LINGO2: variants seen among roughly 807,000 people sequenced by gnomAD.
The protein encoded by LINGO2 is leucine-rich repeat and immunoglobulin-like domain-containing nogo receptor-interacting protein 2.
A neutral mutation model predicts 30.6 loss-of-function variants in LINGO2; 14 were observed. The observed-to-expected ratio is 0.46, with a 90% CI of 0.30 to 0.72. The LOEUF is 0.72. LINGO2 is among the 30% of genes least tolerant of loss of function. The pLI, the probability that LINGO2 is intolerant of heterozygous loss-of-function variation, is 0.07. For synonymous variants in LINGO2, 317 were observed against 288.5 expected, an observed-to-expected ratio of 1.10 and a Z score of -1.00; for missense variants, 729 against 751.7, an observed-to-expected ratio of 0.97 and a Z score of 0.35.
the LINGO2 span, among the ~76,000 whole-genome samples, chr9:29,159,682 C>A: frequency 6.6e-6 from 1 of 151,912 alleles, no homozygotes; most frequent in Non-Finnish European, 1.5e-5. Context: ...CACGGGGAAA[C>A]CCTGTCTCTA....
chr9:28,652,464 C>CT (rs1828146316), intron 1 of LINGO2, among the ~76,000 whole-genome samples: 1 of 152,074 alleles, frequency 6.6e-6, no homozygotes, highest in Admixed American at 6.6e-5. Flanking sequence ...TCCTGAAACT[C>CT]ATAAAGGAAT....
intron 4 of LINGO2, among the ~76,000 whole-genome samples, chr9:28,292,963 G>A (rs566422575): frequency 7.2e-4 from 110 of 151,890 alleles, no homozygotes; most frequent in Middle Eastern, 3.4e-3. Context: ...TAGTAGAGAC[G>A]GGGTTTCACC....
chr9:28,436,749 G>A (rs1007094623), intron 2 of LINGO2, among the ~76,000 whole-genome samples: 2 of 152,256 alleles, frequency 1.3e-5, no homozygotes, highest in Admixed American at 6.5e-5. Flanking sequence ...AAGCCACCGC[G>A]CCCGGCCAGG....
chr9:28,894,628 G>T, the LINGO2 span, among the ~76,000 whole-genome samples: 2 of 151,392 alleles, frequency 1.3e-5, no homozygotes, highest in Non-Finnish European at 3.0e-5. Context: ...AGTATTTTTT[G>T]CCAATGAATA....
At chr9:28,706,753 A>G in the LINGO2 span, among the ~76,000 whole-genome samples, 1 of 152,092 alleles carries the variant, frequency 6.6e-6, no homozygotes, top group Non-Finnish European at 1.5e-5. Context: ...TTGCAGTCTC[A>G]CACTTGTGTA....
At chr9:29,095,458 C>CA in the LINGO2 span, among the ~76,000 whole-genome samples, 1 of 137,664 alleles carries the variant, frequency 7.3e-6, no homozygotes, top group East Asian at 2.5e-4. Context: ...ATAAACACAA[C>CA]AAAACACCTG....
intron 5 of LINGO2, among the ~76,000 whole-genome samples, chr9:27,973,291 G>A (rs530492031): frequency 6.6e-6 from 1 of 152,266 alleles, no homozygotes; most frequent in South Asian, 2.1e-4. Context: ...AGTATACTAA[G>A]AAGTCATCCT....
intron 3 of LINGO2, among the ~76,000 whole-genome samples, chr9:28,300,702 CCTT>C (rs1164665651): frequency 6.6e-6 from 1 of 151,920 alleles, no homozygotes; most frequent in African/African-American, 2.4e-5. Context: ...TTCCTTTTCA[CCTT>C]CTTCATTTCA....
chr9:29,212,456 C>T, the LINGO2 span, among the ~76,000 whole-genome samples: 1 of 151,954 alleles, frequency 6.6e-6, no homozygotes, highest in Non-Finnish European at 1.5e-5. Flanking sequence ...CTTCGCGCGC[C>T]CCCGAGTCCG....
chr9:28,551,324 T>C (rs1253437340), intron 1 of LINGO2, among the ~76,000 whole-genome samples: 1 of 151,786 alleles, frequency 6.6e-6, no homozygotes, highest in Non-Finnish European at 1.5e-5. Context: ...TATCCATCAA[T>C]CTCTCTGTGA....
intron 1 of LINGO2, among the ~76,000 whole-genome samples, chr9:28,613,684 G>T (rs1230405220): frequency 1.3e-5 from 2 of 152,086 alleles, no homozygotes; most frequent in Non-Finnish European, 2.9e-5. Context: ...TCACACAAGG[G>T]GGTAAGGCAT....
chr9:28,405,882 T>C (rs990410305), intron 2 of LINGO2, among the ~76,000 whole-genome samples: 59 of 152,154 alleles, frequency 3.9e-4, no homozygotes, highest in African/African-American at 1.4e-3. Context: ...CAACCGTGTG[T>C]AGACTAAAGG....
At chr9:28,796,181 A>G in the LINGO2 span, among the ~76,000 whole-genome samples, 1 of 152,102 alleles carries the variant, frequency 6.6e-6, no homozygotes, top group African/African-American at 2.4e-5. Context: ...ATTTATTGAT[A>G]AATTAGACAT....
At chr9:28,740,452 T>C in the LINGO2 span, among the ~76,000 whole-genome samples, 1 of 151,972 alleles carries the variant, frequency 6.6e-6, no homozygotes, top group Admixed American at 6.6e-5. Context: ...TATCTTCCTT[T>C]GGAATTTTGT....
intron 2 of LINGO2, among the ~76,000 whole-genome samples, chr9:28,429,319 TA>T (rs969739055): frequency 6.2e-4 from 95 of 152,084 alleles, no homozygotes; most frequent in African/African-American, 2.1e-3. Context: ...AATTTTAGAT[TA>T]AAAAAATAGT....
chr9:28,763,082 C>T, the LINGO2 span, among the ~76,000 whole-genome samples: 36 of 152,170 alleles, frequency 2.4e-4, no homozygotes, highest in African/African-American at 8.7e-4. Context: ...TTGCTAGCCT[C>T]TCCAGAAGCC....
At chr9:28,536,193 T>A (rs1415951087) in intron 1 of LINGO2, among the ~76,000 whole-genome samples, 2 of 152,140 alleles carry the variant, frequency 1.3e-5, no homozygotes, top group Non-Finnish European at 2.9e-5. Flanking sequence ...ACTCTGTGCT[T>A]AAGTGTGGTG....
chr9:28,995,258 C>A, the LINGO2 span, among the ~76,000 whole-genome samples: 1 of 152,154 alleles, frequency 6.6e-6, no homozygotes, highest in Non-Finnish European at 1.5e-5. Flanking sequence ...TGCCAAAAAA[C>A]ACATGAAAAA....
chr9:28,171,891 G>A (rs1320181069), intron 4 of LINGO2, among the ~76,000 whole-genome samples: 2 of 150,086 alleles, frequency 1.3e-5, no homozygotes, highest in African/African-American at 4.9e-5. Context: ...GCGTGGTGGC[G>A]GGCCCCTGTA....
Sources: gnomAD v4.1 joint callset for allele counts (sites outside exome capture counted in the v4.1 genomes callset) on GRCh38, gnomAD v4.1.1 for gene constraint, MANE v1.5 for transcripts, NCBI Gene and HGNC (gene_info 2026-07-23, HGNC 2026-07-21) for gene names.